Variants in CABYR observed in about 807,000 individuals in gnomAD.
CABYR encodes calcium-binding tyrosine phosphorylation-regulated protein.
A neutral mutation model predicts 36.1 loss-of-function variants in CABYR; 31 were observed. The observed-to-expected ratio is 0.86, with a 90% confidence interval of 0.64 to 1.16. CABYR has a LOEUF of 1.16. Ranked by LOEUF, CABYR falls within the 50% of genes most tolerant of loss-of-function variation. The pLI is 0.00. For missense variants in CABYR, 429 were observed against 455.8 expected (o/e 0.94, Z 0.53); for synonymous variants, 146 against 160.7 (o/e 0.91, Z 0.69).
intron 3 of CABYR, among the ~76,000 whole-genome samples, chr18:24,152,269 A>T (rs1337377434): frequency 1.3e-5 from 2 of 152,160 alleles, no homozygotes; most frequent in African/African-American, 2.4e-5. Context: ...TGTGATTTAG[A>T]GTTTATTCAG....
intron 4 of CABYR, chr18:24,156,930 GA>G: frequency 6.2e-7 from 1 of 1,613,926 alleles, no homozygotes; most frequent in Non-Finnish European, 8.5e-7. Flanking sequence ...TCCTGCTCCA[GA>G]AGGCCTTACT....
intron 3 of CABYR, among the ~76,000 whole-genome samples, chr18:24,155,302 G>T (rs1172645244): frequency 1.3e-5 from 2 of 152,152 alleles, no homozygotes; most frequent in South Asian, 2.1e-4. Flanking sequence ...GATGATATCT[G>T]ATTATTAGTC....
intron 1 of CABYR, among the ~76,000 whole-genome samples, chr18:24,141,124 G>T (rs2085311257): frequency 6.6e-6 from 1 of 152,184 alleles, no homozygotes; most frequent in African/African-American, 2.4e-5. Flanking sequence ...TCTGTTGAAT[G>T]ATATCGTAAA....
rs755122985 is a variant in CABYR at position 24,143,090 on chromosome 18, G to T, written c.-24-1G>T. ...CTTCTAAGACTTTTTCTTCATTCTA[G>T]TTGAGTTACAGACATCCTGCCAAAA... On this transcript the variant is annotated splice_acceptor_variant, in intron 1 of 5. Transcript: ENST00000399496. LOFTEE classifies it low-confidence loss of function (5UTR_SPLICE). 19 of 1,542,754 alleles carry T rather than the reference G, an allele frequency of 1.2e-5. No individual in the cohort carries two copies. The Admixed American group carries it at 3.8e-4, about 31-fold the overall frequency.
chr18:24,161,442 A>C lies in CABYR; in HGVS notation c.*-74A>C. On this transcript the variant is annotated intron_variant, in intron 5 of 5. Coordinates refer to ENST00000399496, the MANE Select transcript of CABYR (RefSeq NM_153769.3). ...CAGGAGGGTAGACCTTGCATTTCTAATCTTCTGCTCATTTCACATGTTCGG... is the reference window on the plus strand; with the variant it reads ...CAGGAGGGTAGACCTTGCATTTCTACTCTTCTGCTCATTTCACATGTTCGG... 7.8e-6 allele frequency: 6 copies of C among 768,306 alleles called. No homozygotes were observed. In the Middle Eastern group the frequency reaches 6.8e-4, roughly 87 times the overall value. The allele number at this position is 768,306 out of a possible 1,614,324, so 47.6% of individuals were successfully genotyped here. A position where few individuals can be genotyped will look rare whatever the true frequency, so the allele number is the denominator to read the frequency against.
chr18:24,159,541 A>G lies in CABYR; in HGVS notation c.611A>G (p.Asp204Gly), dbSNP rs146776358. 9.7e-5 allele frequency: 156 copies of G among 1,614,054 alleles called. No homozygotes were observed. Among genetic ancestry groups the G allele is most frequent in the Non-Finnish European group, 1.2e-4 (141 of 1,180,006 alleles). The change falls in exon 5 of 6, where the codon GAT (aspartate) becomes GGT (glycine). Residue 204 changes from aspartate to glycine, a missense_variant. Transcript: ENST00000399496. ...ATGTGGACCCTTTATTGTCTAACTG[A>G]TAAGAATCAACAAGGTCACCCATCA... ...SNMWTLYCLT[D>G]KNQQGHPSPP...
chr18:24,156,136 CAG>C (rs1170513849), intron 4 of CABYR, 94 bp downstream of exon 4: 1 of 1,614,070 alleles, frequency 6.2e-7, no homozygotes, highest in African/African-American at 1.3e-5. Flanking sequence ...GTGCCAAGCT[CAG>C]AGGCTGCTGA....
chr18:24,155,982 G>T lies in CABYR; in HGVS notation c.481G>T (p.Val161Phe). ...TPPSSPPPTA[V>F]SPEFAYVPAD... is the part of the protein sequence containing the mutation. ...ACCCTCATCACCACCTCCAACAGCT[G>T]TCTCACCAGAGTTTGCCTACGTCCC... The change falls in exon 4 of 6, where the codon GTC becomes TTC. Residue 161 changes from valine (V) to phenylalanine (F), a missense_variant. Transcript: ENST00000399496. The T allele has an allele frequency of 6.2e-7, 1 of 1,614,154 alleles. No individual in the cohort carries two copies. Among genetic ancestry groups the T allele is most frequent in the East Asian group, 2.2e-5 (1 of 44,880 alleles).
chr18:24,150,207 G>C (rs572357287), intron 3 of CABYR, among the ~76,000 whole-genome samples: 99 of 152,350 alleles, frequency 6.5e-4, no homozygotes, highest in African/African-American at 2.3e-3. Context: ...GCTCACTGTG[G>C]CCCAGAGAAG....
intron 5 of CABYR, among the ~76,000 whole-genome samples, chr18:24,161,196 TGA>T (rs1196471766): frequency 2.6e-5 from 4 of 152,200 alleles, no homozygotes; most frequent in Non-Finnish European, 5.9e-5. Context: ...GTTGAGCATC[TGA>T]GAGATCGACA....
Position 24,158,154 on chromosome 18 carries a change from AAG to A in CABYR, c.542-1315_542-1314del, listed in dbSNP as rs2085843491. The stretch of plus-strand genomic sequence containing the variant: ...GGAAAACAGAGTTGTCCACAACACT[AAG>A]AGGATACTAACCACAAATTCAGATT... On this transcript the variant is annotated intron_variant, in intron 4 of 5. Coordinates refer to ENST00000399496, the MANE Select transcript of CABYR (RefSeq NM_153769.3). Among the ~76,000 whole-genome samples, 4 of 152,262 alleles carry A rather than the reference AAG, an allele frequency of 2.6e-5. No homozygotes were observed. The South Asian group carries it at 8.3e-4, about 32-fold the overall frequency.
At chr18:24,160,113 C>T (rs371259414) in intron 5 of CABYR, 44 bp downstream of exon 5, 139 of 1,309,418 alleles carry the variant, frequency 1.1e-4, no homozygotes, top group Middle Eastern at 1.9e-4. Flanking sequence ...TTAACACACG[C>T]GCGTTTTAAG....
At chr18:24,147,354 T>A (rs964632097) in intron 3 of CABYR, among the ~76,000 whole-genome samples, 4 of 150,776 alleles carry the variant, frequency 2.7e-5, no homozygotes, top group Admixed American at 2.6e-4. Flanking sequence ...GATGATCCAA[T>A]TGACCCATTG....
At chr18:24,152,545 G>T (rs1447451568) in intron 3 of CABYR, 1 of 152,198 alleles carries the variant, frequency 6.6e-6, no homozygotes, top group Admixed American at 6.5e-5. Context: ...TTTCCAGAAT[G>T]GTGGTTATAA....
chr18:24,145,345 G>A (rs1269736672), intron 3 of CABYR, among the ~76,000 whole-genome samples: 3 of 152,136 alleles, frequency 2.0e-5, no homozygotes, highest in South Asian at 2.1e-4. Context: ...TATATAAAAC[G>A]AAGTCCAGCA....
chr18:24,158,245 T>TA (rs1172011508), intron 4 of CABYR, among the ~76,000 whole-genome samples: 2 of 150,606 alleles, frequency 1.3e-5, no homozygotes, highest in Non-Finnish European at 3.0e-5. Flanking sequence ...TCAACAAGCT[T>TA]AAAAAAAAAG....
chr18:24,149,108 TAC>T (rs2076302366), intron 3 of CABYR, among the ~76,000 whole-genome samples: 1 of 151,962 alleles, frequency 6.6e-6, no homozygotes, highest in African/African-American at 2.4e-5. Flanking sequence ...ATTAGATAGA[TAC>T]AGAGTGTGGA....
At chr18:24,154,965 T>C (rs1432210336) in intron 3 of CABYR, among the ~76,000 whole-genome samples, 1 of 152,214 alleles carries the variant, frequency 6.6e-6, no homozygotes, top group African/African-American at 2.4e-5. Context: ...TAGCAGGTGC[T>C]ACCATTTTTA....
intron 3 of CABYR, among the ~76,000 whole-genome samples, chr18:24,144,080 T>C (rs1663512): frequency 2.0e-5 from 3 of 152,188 alleles, no homozygotes; most frequent in Admixed American, 1.3e-4. Flanking sequence ...GTATGTTTAG[T>C]AGAGATGGGG....
Sources: gnomAD v4.1 joint callset for allele counts (sites outside exome capture counted in the v4.1 genomes callset) on GRCh38, gnomAD v4.1.1 for gene constraint, MANE v1.5 for transcripts, NCBI Gene and HGNC (gene_info 2026-07-23, HGNC 2026-07-21) for gene names.